UTS2: variants seen among roughly 807,000 people sequenced by gnomAD.
UTS2 encodes the protein urotensin-2.
In UTS2, 10 loss-of-function variants were observed where a neutral mutation model predicts 12.6. The ratio of observed to expected loss-of-function variants is 0.80; its 90% CI spans 0.49 to 1.35. The LOEUF (loss-of-function observed/expected upper bound fraction) is 1.35, where lower values mean the gene tolerates loss of function less well. UTS2 is among the 40% of genes most tolerant of loss of function. The probability of loss-of-function intolerance (pLI) is 0.00; values close to 1 mark genes in which losing one functional copy is unlikely to be tolerated. For synonymous variants in UTS2, 52 were observed against 50.0 expected, an observed-to-expected ratio of 1.04 and a Z score of -0.17; for missense variants, 142 against 143.2, an observed-to-expected ratio of 0.99 and a Z score of 0.04.
At chr1:7,877,404 T>C in the UTS2 span, among the ~76,000 whole-genome samples, 1 of 151,794 alleles carries the variant, frequency 6.6e-6, no homozygotes, top group South Asian at 2.1e-4. Flanking sequence ...AAAATAGATA[T>C]CATAAAAAAG....
chr1:7,885,455 C>T, the UTS2 span, among the ~76,000 whole-genome samples: 3 of 152,100 alleles, frequency 2.0e-5, no homozygotes, highest in Non-Finnish European at 4.4e-5. Context: ...GGAGATGGCC[C>T]CGGTATAGGC....
chr1:7,869,334 G>C, the UTS2 span, among the ~76,000 whole-genome samples: 1 of 152,228 alleles, frequency 6.6e-6, no homozygotes, highest in Non-Finnish European at 1.5e-5. Context: ...AGCCCCCGGC[G>C]GCTGGGGTAC....
At chr1:7,908,021 G>A in the UTS2 span, among the ~76,000 whole-genome samples, 3 of 618 alleles carry the variant, frequency 4.9e-3, no homozygotes, top group Non-Finnish European at 8.6e-3. Flanking sequence ...CAAAAATTAA[G>A]CCAGGAATGG....
the UTS2 span, among the ~76,000 whole-genome samples, chr1:7,907,020 G>C: frequency 0.015 from 2,269 of 152,244 alleles, 46 homozygotes; most frequent in African/African-American, 0.047. Flanking sequence ...GGAGACCAAG[G>C]GGGGAGGATC....
the UTS2 span, among the ~76,000 whole-genome samples, chr1:7,893,556 T>TA: frequency 6.6e-6 from 1 of 152,116 alleles, no homozygotes; most frequent in African/African-American, 2.4e-5. Context: ...CTTCCAGAAA[T>TA]ACCAATTTTG....
the UTS2 span, among the ~76,000 whole-genome samples, chr1:7,898,930 C>G: frequency 6.6e-6 from 1 of 152,008 alleles, no homozygotes; most frequent in Non-Finnish European, 1.5e-5. Flanking sequence ...ATGCCTGAGA[C>G]TGGGTAATTT....
chr1:7,894,840 G>A, the UTS2 span, among the ~76,000 whole-genome samples: 1 of 151,962 alleles, frequency 6.6e-6, no homozygotes, highest in African/African-American at 2.4e-5. Context: ...TTAGCCGGGA[G>A]TGGTGGCACA....
the UTS2 span, among the ~76,000 whole-genome samples, chr1:7,900,851 G>A: frequency 6.6e-6 from 1 of 152,174 alleles, no homozygotes; most frequent in African/African-American, 2.4e-5. Context: ...TTAGTATCAA[G>A]GTTACACTGG....
chr1:7,855,524 C>G (rs1240064046), upstream of UTS2, among the ~76,000 whole-genome samples: 18 of 151,992 alleles, frequency 1.2e-4, no homozygotes, highest in Admixed American at 1.2e-3. Context: ...TCGGAGGTTG[C>G]AGTGAGCTGA....
At chr1:7,900,816 T>C in the UTS2 span, among the ~76,000 whole-genome samples, 1 of 152,010 alleles carries the variant, frequency 6.6e-6, no homozygotes, top group East Asian at 1.9e-4. Context: ...TTTGCCTCTT[T>C]TTCTTTTACT....
chr1:7,881,674 A>T, the UTS2 span, among the ~76,000 whole-genome samples: 1 of 152,204 alleles, frequency 6.6e-6, no homozygotes. Context: ...CATGGATCAG[A>T]AGAATTAATA....
the UTS2 span, among the ~76,000 whole-genome samples, chr1:7,908,932 G>A: frequency 1.3e-5 from 2 of 151,626 alleles, no homozygotes; most frequent in African/African-American, 2.4e-5. Context: ...TCAGCCTCCC[G>A]AGTAGCTGGG....
At chr1:7,875,404 A>C in the UTS2 span, among the ~76,000 whole-genome samples, 1 of 152,246 alleles carries the variant, frequency 6.6e-6, no homozygotes, top group East Asian at 1.9e-4. Context: ...AGCAGTGTGA[A>C]AATGGACTAA....
At chr1:7,908,767 C>A in the UTS2 span, among the ~76,000 whole-genome samples, 1 of 151,740 alleles carries the variant, frequency 6.6e-6, no homozygotes, top group Non-Finnish European at 1.5e-5. Context: ...CTGGGGAGGC[C>A]TCACAATCAT....
the UTS2 span, among the ~76,000 whole-genome samples, chr1:7,874,710 G>A: frequency 7.6e-3 from 1,152 of 152,312 alleles, 14 homozygotes; most frequent in African/African-American, 0.026. Flanking sequence ...TGGTTTGGCT[G>A]TGTCCCCACC....
chr1:7,848,552 G>T (rs2097410280), intron 3 of UTS2, among the ~76,000 whole-genome samples: 2 of 152,032 alleles, frequency 1.3e-5, no homozygotes, highest in Admixed American at 1.3e-4. Flanking sequence ...ATGGAGTTTT[G>T]CTCTGTTCCC....
chr1:7,912,734 TGG>T, the UTS2 span, among the ~76,000 whole-genome samples: 2 of 152,046 alleles, frequency 1.3e-5, no homozygotes, highest in Non-Finnish European at 2.9e-5. Flanking sequence ...TGCCCTCCAC[TGG>T]GGCCCCCACA....
the UTS2 span, among the ~76,000 whole-genome samples, chr1:7,871,575 ATT>A: frequency 6.8e-6 from 1 of 148,108 alleles, no homozygotes. Context: ...CAGATATTGC[ATT>A]TTTTTTTTTA....
At chr1:7,901,923 C>T in the UTS2 span, among the ~76,000 whole-genome samples, 1 of 152,108 alleles carries the variant, frequency 6.6e-6, no homozygotes, top group Non-Finnish European at 1.5e-5. Context: ...TGTCCTAAGC[C>T]AGAGAAAAGT....
Sources: gnomAD v4.1 joint callset for allele counts (sites outside exome capture counted in the v4.1 genomes callset) on GRCh38, gnomAD v4.1.1 for gene constraint, MANE v1.5 for transcripts, NCBI Gene and HGNC (gene_info 2026-07-23, HGNC 2026-07-21) for gene names.